RAB3GAP1: variants seen among roughly 807,000 people sequenced by gnomAD.
RAB3GAP1 encodes rab3 GTPase-activating protein catalytic subunit.
Under a neutral mutation model 130.7 loss-of-function variants are expected in RAB3GAP1, and 86 were observed. The ratio of observed to expected loss-of-function variants is 0.66; its 90% CI spans 0.55 to 0.79. The LOEUF (loss-of-function observed/expected upper bound fraction) is 0.79, where lower values mean the gene tolerates loss of function less well. RAB3GAP1 is among the 30% of genes least tolerant of loss of function. The pLI, the probability that RAB3GAP1 is intolerant of heterozygous loss-of-function variation, is 0.00. For synonymous variants in RAB3GAP1, 367 were observed against 401.7 expected, an observed-to-expected ratio of 0.91 and a Z score of 1.03; for missense variants, 1,029 against 1,169.4, an observed-to-expected ratio of 0.88 and a Z score of 1.75.
downstream of RAB3GAP1, among the ~76,000 whole-genome samples, chr2:135,174,523 A>C (rs1420157443): frequency 2.0e-5 from 3 of 152,224 alleles, no homozygotes; most frequent in African/African-American, 7.2e-5. Flanking sequence ...TTGCTTCAGA[A>C]AGGTGGCCTC....
At chr2:135,160,988 G>C (rs534655740) in intron 19 of RAB3GAP1, among the ~76,000 whole-genome samples, 7 of 152,246 alleles carry the variant, frequency 4.6e-5, no homozygotes, top group Non-Finnish European at 7.4e-5. Context: ...GGTCATACGT[G>C]AATCCAGGTA....
At chr2:135,109,347 G>A (rs1690725084) in intron 5 of RAB3GAP1, among the ~76,000 whole-genome samples, 1 of 151,902 alleles carries the variant, frequency 6.6e-6, no homozygotes, top group African/African-American at 2.4e-5. Flanking sequence ...GGTGGTATTG[G>A]TGGTGGTAAC....
At chr2:135,165,508 T>A (rs1262613294) in intron 23 of RAB3GAP1, among the ~76,000 whole-genome samples, 1 of 151,966 alleles carries the variant, frequency 6.6e-6, no homozygotes, top group Non-Finnish European at 1.5e-5. Context: ...GAATAACAAC[T>A]GGATAATCCC....
chr2:135,072,348 A>C lies in RAB3GAP1; in HGVS notation c.150+14262A>C, dbSNP rs1689499090. 1.3e-5 allele frequency among the ~76,000 whole-genome samples: 2 copies of C among 152,340 alleles called. 1 individual carries two copies. The highest frequency in any genetic ancestry group is 6.8e-3 in the Middle Eastern group (2 of 294). ...GGGGAGAGACTTATATCCCGTTTGC[A>C]GTATCATTTGTAGGTGAAACTGTAG... On this transcript the variant is annotated intron_variant, in intron 3 of 23. Transcript: ENST00000264158.
At chr2:135,091,842 G>A (rs932804868) in intron 4 of RAB3GAP1, among the ~76,000 whole-genome samples, 1 of 152,154 alleles carries the variant, frequency 6.6e-6, no homozygotes, top group Non-Finnish European at 1.5e-5. Flanking sequence ...ATAAACTAGT[G>A]CATAACAGTG....
intron 17 of RAB3GAP1, among the ~76,000 whole-genome samples, chr2:135,139,627 C>G (rs989350519): frequency 6.6e-6 from 1 of 151,390 alleles, no homozygotes; most frequent in Non-Finnish European, 1.5e-5. Context: ...ATGCATATAA[C>G]TACTTCCCAG....
chr2:135,109,598 T>C (rs545266844), intron 5 of RAB3GAP1, among the ~76,000 whole-genome samples: 135 of 152,114 alleles, frequency 8.9e-4, no homozygotes, highest in African/African-American at 3.1e-3. Flanking sequence ...AATTTTTTAT[T>C]AAGAGACAGG....
chr2:135,089,359 G>A (rs996166650), intron 3 of RAB3GAP1, among the ~76,000 whole-genome samples: 1 of 151,890 alleles, frequency 6.6e-6, no homozygotes, highest in Non-Finnish European at 1.5e-5. Context: ...GCTTAGGATT[G>A]TCTTGGCTAT....
intron 2 of RAB3GAP1, among the ~76,000 whole-genome samples, chr2:135,056,807 A>G (rs927008074): frequency 1.3e-5 from 2 of 152,212 alleles, no homozygotes; most frequent in South Asian, 4.1e-4. Context: ...TTTAAAGAGG[A>G]ATTAGTAAGA....
At chr2:135,098,659 C>T (rs1183842079) in intron 5 of RAB3GAP1, among the ~76,000 whole-genome samples, 1 of 152,142 alleles carries the variant, frequency 6.6e-6, no homozygotes, top group African/African-American at 2.4e-5. Context: ...CCAAAAACCC[C>T]TAATCCCAAT....
chr2:135,064,173 C>T (rs896457696), intron 3 of RAB3GAP1, among the ~76,000 whole-genome samples: 8 of 152,116 alleles, frequency 5.3e-5, no homozygotes, highest in Non-Finnish European at 4.4e-5. Flanking sequence ...TGCACAGATA[C>T]GTTTTCTTTG....
At chr2:135,075,910 CTTTTTTTT>C (rs996535280) in intron 3 of RAB3GAP1, among the ~76,000 whole-genome samples, 1 of 126,734 alleles carries the variant, frequency 7.9e-6, no homozygotes, top group African/African-American at 2.9e-5. Context: ...TAACAGATTT[CTTTTTTTT>C]TTTTTTTTTT....
chr2:135,136,028 A>G (rs1691671998), intron 17 of RAB3GAP1, 96 bp downstream of exon 17: 1 of 1,525,786 alleles, frequency 6.6e-7, no homozygotes, highest in East Asian at 2.3e-5. Context: ...AAAATTATCC[A>G]AAAAGTCTAT....
chr2:135,171,442 G>T (rs1692852011), downstream of RAB3GAP1, among the ~76,000 whole-genome samples: 1 of 152,086 alleles, frequency 6.6e-6, no homozygotes, highest in Admixed American at 6.5e-5. Context: ...TAGAAGAAAG[G>T]TGGCAATTAC....
chr2:135,144,441 AG>A (rs907217101), intron 17 of RAB3GAP1, among the ~76,000 whole-genome samples: 62 of 152,302 alleles, frequency 4.1e-4, no homozygotes, highest in African/African-American at 1.5e-3. Context: ...CACCACTCAA[AG>A]GGGGGCATGA....
At chr2:135,080,520 T>G (rs1250128033) in intron 3 of RAB3GAP1, among the ~76,000 whole-genome samples, 8 of 152,198 alleles carry the variant, frequency 5.3e-5, no homozygotes, top group Admixed American at 5.2e-4. Flanking sequence ...TAGATCTGAG[T>G]GCCCGAGATG....
At chr2:135,173,904 G>A (rs545732086), downstream of RAB3GAP1, among the ~76,000 whole-genome samples, 1 of 152,282 alleles carries the variant, frequency 6.6e-6, no homozygotes, top group South Asian at 2.1e-4. Context: ...GGCAAAAGAG[G>A]CCCCACTCTT....
chr2:135,075,294 C>T (rs1213969517), intron 3 of RAB3GAP1, among the ~76,000 whole-genome samples: 1 of 152,040 alleles, frequency 6.6e-6, no homozygotes, highest in African/African-American at 2.4e-5. Flanking sequence ...TGTAACCACA[C>T]CAAATGATGC....
In RAB3GAP1 at chr2:135,169,603, T is replaced by G. The variant is rs1175250342; in HGVS notation, c.*822T>G. The G allele has an allele frequency of 1.2e-5, 4 of 328,910 alleles. No homozygotes were observed. The East Asian group carries it at 3.8e-4, about 32-fold the overall frequency. The allele number at this position is 328,910 out of a possible 1,614,324, so 20.4% of individuals were successfully genotyped here. A position where few individuals can be genotyped will look rare whatever the true frequency, so the allele number is the denominator to read the frequency against. Reference sequence around the variant, plus strand: ...TGGCTGGGTACTGTATTTAATGAAGTAGAGAATAGCACTTGCAAAAATACA... The same window carrying G: ...TGGCTGGGTACTGTATTTAATGAAGGAGAGAATAGCACTTGCAAAAATACA... On this transcript the variant is annotated 3_prime_UTR_variant, in exon 24 of 24. Transcript: ENST00000264158.
Sources: gnomAD v4.1 joint callset for allele counts (sites outside exome capture counted in the v4.1 genomes callset) on GRCh38, gnomAD v4.1.1 for gene constraint, MANE v1.5 for transcripts, NCBI Gene and HGNC (gene_info 2026-07-23, HGNC 2026-07-21) for gene names.